RSF1: variants seen among roughly 807,000 people sequenced by gnomAD.
The protein encoded by RSF1 is remodeling and spacing factor 1.
RSF1 carries 13 observed loss-of-function variants against 145.2 expected under a neutral mutation model. The observed-to-expected ratio is 0.09, with a 90% CI of 0.06 to 0.14. The LOEUF is 0.14. RSF1 is among the 10% of genes least tolerant of loss of function. RSF1 has a pLI of 1.00. For synonymous variants in RSF1, 577 were observed against 592.6 expected (o/e 0.97, Z 0.38); for missense variants, 1,517 against 1,718.2 (o/e 0.88, Z 2.07).
At chr11:77,784,562 G>A (rs1043348894) in intron 1 of RSF1, among the ~76,000 whole-genome samples, 1 of 152,034 alleles carries the variant, frequency 6.6e-6, no homozygotes, top group Non-Finnish European at 1.5e-5. Flanking sequence ...AATTAAGCTT[G>A]GATGTTGGAA....
At chr11:77,672,349 A>G in intron 14 of RSF1, 119 bp from the exon 15 acceptor site, 2 of 779,130 alleles carry the variant, frequency 2.6e-6, no homozygotes, top group Non-Finnish European at 4.0e-6. Flanking sequence ...TTAAGTGAAC[A>G]GTAACTTTTA....
intron 4 of RSF1, among the ~76,000 whole-genome samples, chr11:77,732,767 T>A (rs1334370945): frequency 6.6e-6 from 1 of 152,238 alleles, no homozygotes; most frequent in Non-Finnish European, 1.5e-5. Context: ...CCCAGCCACA[T>A]GGAACTGTAA....
intron 7 of RSF1, among the ~76,000 whole-genome samples, chr11:77,695,003 T>C (rs1960247167): frequency 2.0e-5 from 3 of 152,190 alleles, no homozygotes; most frequent in African/African-American, 7.2e-5. Flanking sequence ...GGGATACATG[T>C]TATCAATGAC....
chr11:77,786,667 T>G (rs1423687516), intron 1 of RSF1, among the ~76,000 whole-genome samples: 3 of 152,150 alleles, frequency 2.0e-5, no homozygotes, highest in Non-Finnish European at 4.4e-5. Context: ...ACTATAATGG[T>G]GGAGGCATAT....
intron 15 of RSF1, among the ~76,000 whole-genome samples, chr11:77,668,464 T>TA (rs1444552524): frequency 6.6e-6 from 1 of 152,242 alleles, no homozygotes; most frequent in Non-Finnish European, 1.5e-5. Flanking sequence ...CTGTACCTCT[T>TA]AAACACTGTG....
At chr11:77,848,327 C>T in the RSF1 span, among the ~76,000 whole-genome samples, 1 of 152,130 alleles carries the variant, frequency 6.6e-6, no homozygotes, top group South Asian at 2.1e-4. Flanking sequence ...ATTTTTCCCA[C>T]ATAAGACCAT....
chr11:77,686,535 T>G (rs564166885), intron 9 of RSF1, among the ~76,000 whole-genome samples: 1 of 152,010 alleles, frequency 6.6e-6, no homozygotes, highest in South Asian at 2.1e-4. Context: ...GTAATCATTC[T>G]GTCTCTCTCT....
chr11:77,813,448 C>T (rs928520798), intron 1 of RSF1: 12 of 1,210,504 alleles, frequency 9.9e-6, no homozygotes, highest in Non-Finnish European at 4.8e-6. Context: ...GAAAGGATCC[C>T]ACGTCTTAGA....
chr11:77,745,802 A>G (rs1251669563), intron 3 of RSF1, among the ~76,000 whole-genome samples: 2 of 151,728 alleles, frequency 1.3e-5, no homozygotes, highest in African/African-American at 4.8e-5. Context: ...CCGGGCAGAC[A>G]ACACATTAAG....
At chr11:77,694,909 T>C (rs1590834539) in intron 7 of RSF1, among the ~76,000 whole-genome samples, 1 of 152,308 alleles carries the variant, frequency 6.6e-6, no homozygotes, top group South Asian at 2.1e-4. Flanking sequence ...GTTTGTTTGA[T>C]GTTTACTCAT....
At chr11:77,797,197 A>G (rs1948581194) in intron 1 of RSF1, among the ~76,000 whole-genome samples, 2 of 152,220 alleles carry the variant, frequency 1.3e-5, no homozygotes, top group African/African-American at 4.8e-5. Flanking sequence ...GAGCCTGCAT[A>G]GCCAAGACAA....
the RSF1 span, among the ~76,000 whole-genome samples, chr11:77,832,951 ATGTGTGTG>A: frequency 0.021 from 1,412 of 68,366 alleles, 166 homozygotes; most frequent in African/African-American, 0.08. Flanking sequence ...GTATATATAT[ATGTGTGTG>A]TGTGTGTGTG....
chr11:77,671,173 A>T (rs56846909), intron 15 of RSF1, among the ~76,000 whole-genome samples: 1 of 95,928 alleles, frequency 1.0e-5, no homozygotes, highest in Non-Finnish European at 1.9e-5. Flanking sequence ...ATATATATAT[A>T]TATATTTATA....
upstream of RSF1, among the ~76,000 whole-genome samples, chr11:77,821,675 A>T (rs1948910386): frequency 6.6e-6 from 1 of 151,760 alleles, no homozygotes; most frequent in Admixed American, 6.6e-5. Flanking sequence ...ACATGACAGG[A>T]GACGGTGGAG....
At chr11:77,728,701 A>C (rs899725025) in intron 4 of RSF1, among the ~76,000 whole-genome samples, 2 of 152,182 alleles carry the variant, frequency 1.3e-5, no homozygotes, top group Non-Finnish European at 2.9e-5. Context: ...AATTCTATGT[A>C]TACAAAATGT....
intron 3 of RSF1, among the ~76,000 whole-genome samples, chr11:77,742,571 C>G (rs1336087405): frequency 6.6e-6 from 1 of 152,028 alleles, no homozygotes. Context: ...AGCCACTGCA[C>G]CTGGCCTCAA....
the RSF1 span, among the ~76,000 whole-genome samples, chr11:77,866,246 C>A: frequency 2.6e-5 from 4 of 152,132 alleles, no homozygotes; most frequent in African/African-American, 9.7e-5. Context: ...ATTAGCTGGA[C>A]ATTTTTCCAC....
At chr11:77,704,511 T>C (rs1960496815) in intron 5 of RSF1, among the ~76,000 whole-genome samples, 1 of 152,210 alleles carries the variant, frequency 6.6e-6, no homozygotes, top group Non-Finnish European at 1.5e-5. Flanking sequence ...GTAACTGATC[T>C]TGGTTTGAGT....
chr11:77,663,937 A>G lies in RSF1; in HGVS notation c.*2980T>C, dbSNP rs1320584660. 2 of 152,128 alleles carry G rather than the reference A, an allele frequency of 1.3e-5. No individual in the cohort carries two copies. Among genetic ancestry groups the G allele is most frequent in the Non-Finnish European group, 2.9e-5 (2 of 68,008 alleles). The allele number at this position is 152,128 out of a possible 1,614,324, so 9.4% of individuals were successfully genotyped here. A position where few individuals can be genotyped will look rare whatever the true frequency, so the allele number is the denominator to read the frequency against. On this transcript the variant is annotated 3_prime_UTR_variant, in exon 16 of 16. Coordinates refer to ENST00000308488, the MANE Select transcript of RSF1 (RefSeq NM_016578.4). Reference sequence around the variant, plus strand: ...TTCAACAAGGGGGGTTTAAATTATTAAAGGGCTCTATTATGTAGCAGCTAT... The same window carrying G: ...TTCAACAAGGGGGGTTTAAATTATTGAAGGGCTCTATTATGTAGCAGCTAT...
Sources: allele counts gnomAD v4.1 joint callset (sites outside exome capture counted in the v4.1 genomes callset), GRCh38; gene constraint gnomAD v4.1.1; transcripts MANE v1.5; gene names NCBI Gene and HGNC (gene_info 2026-07-23, HGNC 2026-07-21).